Variants in DERPC observed in about 807,000 individuals in gnomAD.
DERPC encodes the protein decreased expression in renal and prostate cancer protein.
Under a neutral mutation model 7.2 loss-of-function variants are expected in DERPC, and 1 was observed. The ratio of observed to expected loss-of-function variants is 0.14; its 90% CI spans 0.05 to 0.66. The LOEUF is 0.66. Among genes scored for constraint, DERPC ranks in the 30% least tolerant of loss-of-function variants. The pLI, the probability that DERPC is intolerant of heterozygous loss-of-function variation, is 0.84. For synonymous variants in DERPC, 185 were observed against 117.6 expected, an observed-to-expected ratio of 1.57 and a Z score of -3.71; for missense variants, 502 against 299.4, an observed-to-expected ratio of 1.68 and a Z score of -4.99.
At chr16:69,121,520 G>A (rs1312518028) in intron 1 of DERPC, 27 bp from the exon 2 acceptor site, 3 of 1,415,104 alleles carry the variant, frequency 2.1e-6, no homozygotes, top group Non-Finnish European at 9.8e-7. Context: ...AGAGATTTAG[G>A]GTAATAACAA....
chr16:69,121,709 C>T (rs569928405), intron 1 of DERPC, among the ~76,000 whole-genome samples: 3 of 151,396 alleles, frequency 2.0e-5, no homozygotes, highest in Non-Finnish European at 2.9e-5. Context: ...ACTCTGTCAC[C>T]CAGGTTGGAG....
chr16:69,127,455 G>C (rs1003558749), intron 1 of DERPC, among the ~76,000 whole-genome samples: 1 of 152,052 alleles, frequency 6.6e-6, no homozygotes, highest in African/African-American at 2.4e-5. Context: ...AAGACGACTA[G>C]AGCAATTTCT....
At position 69,120,379 on chromosome 16, in the gene DERPC, C is replaced by A; in HGVS notation, c.50G>T (p.Arg17Leu). 1.3e-6 allele frequency: 2 copies of A among 1,588,764 alleles called. No homozygotes were observed. The highest frequency in any genetic ancestry group is 2.2e-5 in the South Asian group (2 of 90,588). ...CCGTCCTCGAGGTGGCAGCGGAGCA[C>A]GAGTCCAAGGAGTTGGCCGCTCTCT... ...FPRERPTPWT[R>L]APLPPRGRLD... The change falls in exon 3 of 3, where the codon CGT becomes CTT. Residue 17 changes from arginine to leucine, a missense_variant. By Grantham distance (102) the Arg-to-Leu change is moderately radical. Transcript: ENST00000519520. This position sits in a 1 kb window ranked among gnomAD's most constrained non-coding sequence, Gnocchi z 4.0.
At chr16:69,127,673 G>A (rs1267914583) in intron 1 of DERPC, among the ~76,000 whole-genome samples, 16 of 137,738 alleles carry the variant, frequency 1.2e-4, no homozygotes, top group Non-Finnish European at 2.4e-4. Flanking sequence ...GCAGTGGCTC[G>A]ATCTCAGCTC....
chr16:69,129,914 G>C (rs1962372257), intron 1 of DERPC, among the ~76,000 whole-genome samples: 2 of 152,184 alleles, frequency 1.3e-5, no homozygotes, highest in Admixed American at 1.3e-4. Context: ...ATACCCAATT[G>C]AGATGTTTCA....
At position 69,120,843 on chromosome 16, in the gene DERPC, C is replaced by T; in HGVS notation, c.-221-194G>A. 1 of 742,600 alleles carries T rather than the reference C, an allele frequency of 1.3e-6. No individual in the cohort carries two copies. The highest frequency in any genetic ancestry group is 2.4e-6 in the Non-Finnish European group (1 of 419,264). 46.0% of individuals were successfully genotyped at this position (742,600 alleles called of 1,614,324 possible). ...TTTCTAGCCCCACATAGGAGAATTTCCACTTTCAGAAATGTGAGCTTTCCA... is the reference window on the plus strand; with the variant it reads ...TTTCTAGCCCCACATAGGAGAATTTTCACTTTCAGAAATGTGAGCTTTCCA... On this transcript the variant is annotated intron_variant, in intron 2 of 2. Coordinates refer to ENST00000519520, the MANE Select transcript of DERPC (RefSeq NM_001002847.4). This position sits in a 1 kb window ranked among gnomAD's most constrained non-coding sequence, Gnocchi z 4.0.
chr16:69,124,844 G>A (rs1359572230), intron 1 of DERPC, among the ~76,000 whole-genome samples: 1 of 152,128 alleles, frequency 6.6e-6, no homozygotes, highest in Non-Finnish European at 1.5e-5. Flanking sequence ...TGGATCTGCA[G>A]CCTTATAGTA....
intron 1 of DERPC, among the ~76,000 whole-genome samples, chr16:69,124,966 G>A (rs768386264): frequency 7.9e-5 from 12 of 151,032 alleles, no homozygotes; most frequent in Non-Finnish European, 1.6e-4. Context: ...GTGCAATGGC[G>A]CGATCTCGGC....
At chr16:69,125,951 T>C (rs910654039) in intron 1 of DERPC, among the ~76,000 whole-genome samples, 3 of 152,226 alleles carry the variant, frequency 2.0e-5, no homozygotes, top group African/African-American at 7.2e-5. Context: ...TGAGATGAAC[T>C]AAGTTTTTTG....
At chr16:69,129,313 C>G (rs1385128607) in intron 1 of DERPC, among the ~76,000 whole-genome samples, 1 of 151,138 alleles carries the variant, frequency 6.6e-6, no homozygotes, top group Non-Finnish European at 1.5e-5. Context: ...GCCTGTAGTC[C>G]TAGCTACTCA....
Position 69,119,265 on chromosome 16 carries a change from G to T in DERPC, c.1164C>A (p.Ser388=), listed in dbSNP as rs540471675. The change falls in exon 3 of 3, where the codon TCC becomes TCA. Residue 388 remains serine (S), a synonymous_variant. Transcript: ENST00000519520. ...LASNPATFQR[S]AGLQGSNPTI... is the part of the protein sequence containing the mutation. ...TTGGATTTGAGCCCTGGAGGCCAGC[G>T]GACCTTTGGAAGGTAGCTGGGTTTG... The T allele has an allele frequency of 1.4e-6, 1 of 703,020 alleles. No individual in the cohort carries two copies. The highest frequency in any genetic ancestry group is 2.6e-6 in the Non-Finnish European group (1 of 384,986). The allele number at this position is 703,020 out of a possible 1,614,324, so 43.5% of individuals were successfully genotyped here.
At chr16:69,126,734 AGAG>A (rs1224851091) in intron 1 of DERPC, among the ~76,000 whole-genome samples, 2 of 152,242 alleles carry the variant, frequency 1.3e-5, no homozygotes, top group Admixed American at 6.5e-5. Flanking sequence ...TCAGGAACGT[AGAG>A]GAGGGCATCC....
Position 69,120,364 on chromosome 16 carries a change from G to C in DERPC, c.65C>G (p.Pro22Arg), listed in dbSNP as rs1447030791. 2.0e-6 allele frequency: 3 copies of C among 1,537,368 alleles called. No homozygotes were observed. In the Admixed American group the frequency reaches 5.0e-5, roughly 26 times the overall value. ...PTPWTRAPLP[P>R]RGRLDGSLGP... ...CAGGGAACCGTCGAGCCGTCCTCGA[G>C]GTGGCAGCGGAGCACGAGTCCAAGG... Residue 22 changes from proline to arginine, a missense_variant, in exon 3 of 3, where the codon CCT (proline) becomes CGT (arginine). Transcript: ENST00000519520. The surrounding 1 kb of genome is among the most constrained non-coding windows in gnomAD (Gnocchi z 4.0).
At chr16:69,127,785 T>C (rs182626677) in intron 1 of DERPC, among the ~76,000 whole-genome samples, 1 of 151,868 alleles carries the variant, frequency 6.6e-6, no homozygotes, top group Non-Finnish European at 1.5e-5. Flanking sequence ...ACTTTTTGTA[T>C]TTTTAGTAGA....
Position 69,118,045 on chromosome 16 carries a change from A to AAAGAT in DERPC, c.*804_*808dup. On this transcript the variant is annotated 3_prime_UTR_variant, in exon 3 of 3. Coordinates refer to ENST00000519520, the MANE Select transcript of DERPC (RefSeq NM_001002847.4). ...CCCATTTATTAAAGAAACAGTAAGA[A>AAAGAT]AAGATACAATGCAGGAAAACCACCA... 1 of 421,054 alleles carries AAAGAT rather than the reference A, an allele frequency of 2.4e-6. No homozygotes were observed. Among genetic ancestry groups the AAAGAT allele is most frequent in the African/African-American group, 2.0e-5 (1 of 50,506 alleles). 26.1% of individuals were successfully genotyped at this position (421,054 alleles called of 1,614,324 possible). A position where few individuals can be genotyped will look rare whatever the true frequency, so the allele number is the denominator to read the frequency against.
chr16:69,129,279 A>C (rs1433601217), intron 1 of DERPC, among the ~76,000 whole-genome samples: 1 of 151,394 alleles, frequency 6.6e-6, no homozygotes, highest in East Asian at 1.9e-4. Context: ...AAATACAAAA[A>C]ATTAGCCGGG....
At chr16:69,122,433 C>T (rs1006879301) in intron 1 of DERPC, among the ~76,000 whole-genome samples, 6 of 151,116 alleles carry the variant, frequency 4.0e-5, no homozygotes, top group East Asian at 3.9e-4. Flanking sequence ...AGCGCAGTGG[C>T]GCCATCTCGG....
chr16:69,131,772 C>T (rs1266756107), intron 1 of DERPC, among the ~76,000 whole-genome samples: 1 of 151,776 alleles, frequency 6.6e-6, no homozygotes, highest in African/African-American at 2.4e-5. Flanking sequence ...TCTCTACCAC[C>T]CTCGTTCTCC....
rs1961577022 is a variant in DERPC, at chr16:69,120,592, C to G, written c.-164G>C. On this transcript the variant is annotated 5_prime_UTR_variant, in exon 3 of 3. Coordinates refer to ENST00000519520, the MANE Select transcript of DERPC (RefSeq NM_001002847.4). This position sits in a 1 kb window ranked among gnomAD's most constrained non-coding sequence, Gnocchi z 4.0. ...TTGACAAGGACTGCAAAAGGTTTCTCCAGGTGGATGATTTTCCCATACAGG... is the reference window on the plus strand; with the variant it reads ...TTGACAAGGACTGCAAAAGGTTTCTGCAGGTGGATGATTTTCCCATACAGG... 1 of 1,613,988 alleles carries G rather than the reference C, an allele frequency of 6.2e-7. No individual in the cohort carries two copies. Among genetic ancestry groups the G allele is most frequent in the Non-Finnish European group, 8.5e-7 (1 of 1,179,918 alleles).
Sources: allele counts gnomAD v4.1 joint callset (sites outside exome capture counted in the v4.1 genomes callset), GRCh38; gene constraint gnomAD v4.1.1; non-coding constraint Gnocchi (gnomAD v3.1); transcripts MANE v1.5; gene names NCBI Gene and HGNC (gene_info 2026-07-23, HGNC 2026-07-21).